The following PLD5 variants were observed in gnomAD, a reference collection of about 807,000 sequenced individuals.
PLD5 encodes the protein inactive phospholipase D5.
PLD5 carries 36 observed loss-of-function variants against 61.1 expected under a neutral mutation model. The ratio of observed to expected loss-of-function variants is 0.59; its 90% confidence interval spans 0.45 to 0.78. The LOEUF (loss-of-function observed/expected upper bound fraction) is 0.78, where lower values mean the gene tolerates loss of function less well. Among genes scored for constraint, PLD5 ranks in the 30% least tolerant of loss-of-function variants. The pLI, the probability that PLD5 is intolerant of heterozygous loss-of-function variation, is 0.00. For missense variants in PLD5, 515 were observed against 644.4 expected (o/e 0.80, Z 2.17); for synonymous variants, 243 against 242.8 (o/e 1.00, Z -0.01).
intron 1 of PLD5, among the ~76,000 whole-genome samples, chr1:242,521,081 C>T (rs1228117591): frequency 2.0e-5 from 3 of 152,166 alleles, no homozygotes; most frequent in Non-Finnish European, 4.4e-5. Flanking sequence ...TTACTTTTTC[C>T]TGAAATTTCA....
chr1:242,324,843 C>A (rs1658647118), intron 2 of PLD5, among the ~76,000 whole-genome samples: 1 of 152,078 alleles, frequency 6.6e-6, no homozygotes, highest in Non-Finnish European at 1.5e-5. Flanking sequence ...TGGCCACCAC[C>A]CAGGAACTGA....
chr1:242,419,489 G>C (rs1302807661), intron 1 of PLD5, among the ~76,000 whole-genome samples: 1 of 147,366 alleles, frequency 6.8e-6, no homozygotes, highest in Non-Finnish European at 1.5e-5. Context: ...TCCACCTCCC[G>C]GGTTCACACA....
At chr1:242,483,902 A>C (rs1353160132) in intron 1 of PLD5, among the ~76,000 whole-genome samples, 1 of 151,832 alleles carries the variant, frequency 6.6e-6, no homozygotes, top group African/African-American at 2.4e-5. Context: ...AGGATTAAGA[A>C]ACTCACTCAA....
chr1:242,466,009 A>G (rs1667266965), intron 1 of PLD5, among the ~76,000 whole-genome samples: 1 of 152,102 alleles, frequency 6.6e-6, no homozygotes, highest in African/African-American at 2.4e-5. Context: ...CACTTGGCTA[A>G]TTCCTTTACC....
intron 4 of PLD5, among the ~76,000 whole-genome samples, chr1:242,247,294 T>A (rs1357231953): frequency 2.0e-5 from 3 of 152,190 alleles, no homozygotes; most frequent in African/African-American, 7.2e-5. Flanking sequence ...AGGGATTCTT[T>A]AGTTGGCAAT....
At chr1:242,513,335 T>C (rs1668997935) in intron 1 of PLD5, among the ~76,000 whole-genome samples, 1 of 152,212 alleles carries the variant, frequency 6.6e-6, no homozygotes, top group Non-Finnish European at 1.5e-5. Flanking sequence ...AGTTTATCAA[T>C]ATTAGGCATC....
chr1:242,266,089 T>C (rs1291486126), intron 3 of PLD5, among the ~76,000 whole-genome samples: 1 of 152,202 alleles, frequency 6.6e-6, no homozygotes, highest in African/African-American at 2.4e-5. Flanking sequence ...AAATAAAAGT[T>C]TTTCAGCCAG....
chr1:242,372,421 T>G (rs916001394), intron 1 of PLD5, among the ~76,000 whole-genome samples: 2 of 151,784 alleles, frequency 1.3e-5, no homozygotes, highest in Admixed American at 6.6e-5. Context: ...ATGACTTTCT[T>G]CACAGAATTG....
intron 5 of PLD5, among the ~76,000 whole-genome samples, chr1:242,192,911 G>C (rs1465719634): frequency 4.6e-5 from 7 of 151,834 alleles, no homozygotes; most frequent in Admixed American, 3.9e-4. Flanking sequence ...AGCTCTCCGG[G>C]CCTTCTGCAA....
At chr1:242,452,457 G>T (rs530278845) in intron 1 of PLD5, among the ~76,000 whole-genome samples, 118 of 152,282 alleles carry the variant, frequency 7.7e-4, no homozygotes, top group African/African-American at 2.6e-3. Flanking sequence ...GTTCTGGAGA[G>T]TGAGAAGCAG....
chr1:242,215,370 T>C (rs910300159), intron 5 of PLD5, among the ~76,000 whole-genome samples: 6 of 152,148 alleles, frequency 3.9e-5, no homozygotes, highest in East Asian at 3.9e-4. Flanking sequence ...CGTTCAACTC[T>C]TAAAAATATG....
chr1:242,226,881 G>A (rs186407573), intron 4 of PLD5, among the ~76,000 whole-genome samples: 4 of 151,950 alleles, frequency 2.6e-5, no homozygotes, highest in African/African-American at 9.7e-5. Flanking sequence ...GTATTTCAAT[G>A]GAAATAATTC....
intron 3 of PLD5, among the ~76,000 whole-genome samples, chr1:242,280,570 T>C (rs1014967505): frequency 1.3e-5 from 2 of 152,194 alleles, no homozygotes; most frequent in African/African-American, 4.8e-5. Context: ...TGTGTGTTTT[T>C]ATGTTGCATC....
At position 242,343,648 on chromosome 1, in the gene PLD5, T is replaced by C. The variant is rs191080290; in HGVS notation, c.326+4458A>G. Among the ~76,000 whole-genome samples the C allele has an allele frequency of 2.4e-4, 37 of 151,242 alleles. No individual in the cohort carries two copies. The East Asian group carries it at 6.5e-3, about 26-fold the overall frequency. ...GGAGGAATGTAGAACTGAACAACAGTGGGACCCACTCTCCTGCAGACTTAT... is the reference window on the plus strand; with the variant it reads ...GGAGGAATGTAGAACTGAACAACAGCGGGACCCACTCTCCTGCAGACTTAT... On this transcript the variant is annotated intron_variant, in intron 2 of 9. Coordinates refer to ENST00000536534, the MANE Select transcript of PLD5 (RefSeq NM_001372062.1).
chr1:242,315,518 C>T (rs1053903617), intron 2 of PLD5, among the ~76,000 whole-genome samples: 4 of 152,182 alleles, frequency 2.6e-5, no homozygotes, highest in African/African-American at 9.7e-5. Flanking sequence ...GGGGAAGAGT[C>T]TTCAACATCC....
At chr1:242,141,879 TTG>T (rs1340351258) in intron 5 of PLD5, among the ~76,000 whole-genome samples, 1 of 152,240 alleles carries the variant, frequency 6.6e-6, no homozygotes, top group African/African-American at 2.4e-5. Flanking sequence ...CTCTGACATT[TTG>T]TGAGTTCCTC....
intron 1 of PLD5, among the ~76,000 whole-genome samples, chr1:242,398,071 A>G (rs1247365936): frequency 1.3e-5 from 2 of 152,208 alleles, no homozygotes; most frequent in Admixed American, 1.3e-4. Flanking sequence ...TAATTGCAGA[A>G]AGCAAAGATA....
intron 5 of PLD5, among the ~76,000 whole-genome samples, chr1:242,213,696 C>T (rs374744717): frequency 3.3e-5 from 5 of 151,210 alleles, no homozygotes; most frequent in East Asian, 3.9e-4. Context: ...AGTTAACCCC[C>T]GCAGCAAAAA....
chr1:242,483,102 A>G (rs889331318), intron 1 of PLD5, among the ~76,000 whole-genome samples: 4 of 152,212 alleles, frequency 2.6e-5, no homozygotes, highest in African/African-American at 9.6e-5. Flanking sequence ...CACTGCAAAA[A>G]CATGCCAAAT....
Sources: allele counts gnomAD v4.1 joint callset (sites outside exome capture counted in the v4.1 genomes callset), GRCh38; gene constraint gnomAD v4.1.1; transcripts MANE v1.5; gene names NCBI Gene and HGNC (gene_info 2026-07-23, HGNC 2026-07-21).